The following TAB2 variants were observed in gnomAD, a reference collection of about 807,000 sequenced individuals.
TAB2 encodes the protein TGF-beta activated kinase 1 (MAP3K7) binding protein 2.
Under a neutral mutation model 65.0 loss-of-function variants are expected in TAB2, and 3 were observed. The ratio of observed to expected loss-of-function variants is 0.05; its 90% CI spans 0.02 to 0.12. The LOEUF (loss-of-function observed/expected upper bound fraction) is 0.12. Ranked by LOEUF, TAB2 falls within the 10% of genes least tolerant of loss-of-function variation. The probability of loss-of-function intolerance (pLI) is 1.00; values close to 1 mark genes in which losing one functional copy is unlikely to be tolerated. For synonymous variants in TAB2, 298 were observed against 285.1 expected (o/e 1.05, Z -0.46); for missense variants, 623 against 840.3 (o/e 0.74, Z 3.20).
chr6:149,324,726 T>C (rs1006731255), intron 1 of TAB2, among the ~76,000 whole-genome samples: 2 of 152,186 alleles, frequency 1.3e-5, no homozygotes, highest in African/African-American at 4.8e-5. Flanking sequence ...AAGCAACTTT[T>C]GTTTAGTCAG....
At chr6:149,288,178 G>A (rs1490258979) in intron 1 of TAB2, among the ~76,000 whole-genome samples, 4 of 152,068 alleles carry the variant, frequency 2.6e-5, no homozygotes, top group African/African-American at 4.8e-5. Flanking sequence ...TCCAGATGAC[G>A]AACCTGAGGT....
intron 1 of TAB2, among the ~76,000 whole-genome samples, chr6:149,230,395 G>T (rs1019827939): frequency 6.6e-6 from 1 of 152,162 alleles, no homozygotes; most frequent in African/African-American, 2.4e-5. Flanking sequence ...ACAAGTCTGA[G>T]AATCACAGCT....
intron 6 of TAB2, among the ~76,000 whole-genome samples, chr6:149,403,242 A>AT (rs1247090446): frequency 1.2e-4 from 6 of 50,690 alleles, no homozygotes; most frequent in Admixed American, 5.5e-4. Flanking sequence ...TCTAAAAAAA[A>AT]AAAAAATATA....
intron 1 of TAB2, among the ~76,000 whole-genome samples, chr6:149,229,339 C>T (rs1038518486): frequency 6.6e-6 from 1 of 151,950 alleles, no homozygotes; most frequent in Non-Finnish European, 1.5e-5. Context: ...CGTGCTTCTA[C>T]TAACAAAGAA....
In TAB2 at chr6:149,275,139, T is replaced by TTTA. The variant is rs1554255797; in HGVS notation, c.-121+56365_-121+56366insATT. 2.6e-5 allele frequency among the ~76,000 whole-genome samples: 3 copies of TTTA among 113,480 alleles called. 1 individual carries two copies. The highest frequency in any genetic ancestry group is 1.8e-5 in the Non-Finnish European group (1 of 57,110). 74.4% of individuals were successfully genotyped at this position (113,480 alleles called of 152,430 possible). On this transcript the variant is annotated intron_variant, in intron 1 of 1. Transcript: ENST00000606202. ...TCTCTTCTTCTGTTTTTTTTTTTTT[T>TTTA]TTTTGAGTTGGAGTCTTGCTCTATT...
rs59196897 is a variant in TAB2, at chr6:149,281,555, C to CAAAAAAAAAAAAAAAAAAA, written c.-121+62787_-121+62805dup. Reference sequence around the variant, plus strand: ...TGAACAACACAGCAAGATGCCATCTCAAAAAAAAAAAAAAAAAAAAAAAAA... The same window carrying CAAAAAAAAAAAAAAAAAAA: ...TGAACAACACAGCAAGATGCCATCTCAAAAAAAAAAAAAAAAAAAAAAAAAAAAAAAAAAAAAAAAAAAA... On this transcript the variant is annotated intron_variant, in intron 1 of 1. Coordinates refer to the TAB2 transcript ENST00000606202. Among the ~76,000 whole-genome samples the CAAAAAAAAAAAAAAAAAAA allele has an allele frequency of 2.4e-4, 17 of 70,338 alleles. 5 individuals carry two copies. The highest frequency in any genetic ancestry group is 7.6e-4 in the African/African-American group (15 of 19,642). 46.1% of individuals were successfully genotyped at this position (70,338 alleles called of 152,430 possible).
intron 1 of TAB2, among the ~76,000 whole-genome samples, chr6:149,225,795 A>T (rs1172612752): frequency 1.3e-5 from 2 of 152,140 alleles, no homozygotes. Context: ...TTTTGGTGTT[A>T]GGTACTCCCA....
At chr6:149,256,572 T>C (rs1778039663) in intron 1 of TAB2, among the ~76,000 whole-genome samples, 1 of 152,196 alleles carries the variant, frequency 6.6e-6, no homozygotes, top group Non-Finnish European at 1.5e-5. Flanking sequence ...GAATATATTA[T>C]TCATGCTGAT....
At chr6:149,242,361 T>C (rs898628061) in intron 1 of TAB2, among the ~76,000 whole-genome samples, 4 of 152,220 alleles carry the variant, frequency 2.6e-5, no homozygotes, top group Admixed American at 1.3e-4. Flanking sequence ...CTAGTGCCAA[T>C]AGAAAGTAAC....
At chr6:149,352,703 T>C (rs2114809671) in intron 1 of TAB2, among the ~76,000 whole-genome samples, 1 of 152,304 alleles carries the variant, frequency 6.6e-6, no homozygotes, top group Non-Finnish European at 1.5e-5. Context: ...TGGAGTAAAC[T>C]TTACTTGAAG....
chr6:149,410,087 G>C lies in TAB2; in HGVS notation c.*368G>C. On this transcript the variant is annotated 3_prime_UTR_variant, in exon 7 of 7. Transcript: ENST00000637181. ...GACAGGAGGAAGGAATAGAATGATAGCTTGTTTTATTTGTAAAGCTTTCAG... is the reference window on the plus strand; with the variant it reads ...GACAGGAGGAAGGAATAGAATGATACCTTGTTTTATTTGTAAAGCTTTCAG... 1 of 276,296 alleles carries C rather than the reference G, an allele frequency of 3.6e-6. No homozygotes were observed. The highest frequency in any genetic ancestry group is 2.2e-5 in the African/African-American group (1 of 45,258). 17.1% of individuals were successfully genotyped at this position (276,296 alleles called of 1,614,324 possible). A position where few individuals can be genotyped will look rare whatever the true frequency, so the allele number is the denominator to read the frequency against.
chr6:149,296,164 G>C (rs543902161), intron 1 of TAB2, among the ~76,000 whole-genome samples: 4 of 152,192 alleles, frequency 2.6e-5, no homozygotes, highest in Non-Finnish European at 1.5e-5. Context: ...CTCAAGAAAG[G>C]ATCTGTGCTT....
chr6:149,398,645 T>C (rs1782258567), intron 5 of TAB2, among the ~76,000 whole-genome samples: 1 of 152,194 alleles, frequency 6.6e-6, no homozygotes, highest in East Asian at 1.9e-4. Flanking sequence ...GGTGCTGTTC[T>C]AGAAACTACA....
rs1781552105 is a variant in TAB2, at chr6:149,379,872, G to A, written c.1603+354G>A. On this transcript the variant is annotated intron_variant, in intron 3 of 6. Coordinates refer to ENST00000637181, the MANE Select transcript of TAB2 (RefSeq NM_001292034.3). ...GTAAATAAAAATTCCTAGAAATAAC[G>A]TTTTAATAAGCAACTAGTTGACTCT... 1.3e-5 allele frequency: 6 copies of A among 451,760 alleles called. 1 individual carries two copies. The highest frequency in any genetic ancestry group is 7.9e-5 in the South Asian group (5 of 63,462). 28.0% of individuals were successfully genotyped at this position (451,760 alleles called of 1,614,324 possible). A position where few individuals can be genotyped will look rare whatever the true frequency, so the allele number is the denominator to read the frequency against.
At chr6:149,359,318 C>T (rs191579112) in intron 1 of TAB2, among the ~76,000 whole-genome samples, 3 of 152,310 alleles carry the variant, frequency 2.0e-5, no homozygotes, top group African/African-American at 7.2e-5. Flanking sequence ...TCACCAGCCT[C>T]AGACCAATTT....
intron 1 of TAB2, among the ~76,000 whole-genome samples, chr6:149,326,128 GTAT>G (rs1256922655): frequency 6.6e-6 from 1 of 152,026 alleles, no homozygotes; most frequent in African/African-American, 2.4e-5. Flanking sequence ...TAAACAAATT[GTAT>G]TATTATGTTA....
At chr6:149,239,316 C>T (rs1777554776) in intron 1 of TAB2, among the ~76,000 whole-genome samples, 1 of 152,192 alleles carries the variant, frequency 6.6e-6, no homozygotes, top group Admixed American at 6.5e-5. Context: ...ATGACCAGAG[C>T]TTACTGAGAT....
intron 3 of TAB2, among the ~76,000 whole-genome samples, chr6:149,392,348 G>A (rs2114928124): frequency 6.6e-6 from 1 of 152,186 alleles, no homozygotes; most frequent in Admixed American, 6.5e-5. Flanking sequence ...CACCATGTGG[G>A]CCAGGCTGGT....
chr6:149,380,614 G>T (rs1005545258), intron 3 of TAB2, among the ~76,000 whole-genome samples: 7 of 152,106 alleles, frequency 4.6e-5, no homozygotes, highest in Non-Finnish European at 2.9e-5. Context: ...GAAGGTGGAG[G>T]TTATTCATTT....
Sources: allele counts gnomAD v4.1 joint callset (sites outside exome capture counted in the v4.1 genomes callset), GRCh38; gene constraint gnomAD v4.1.1; transcripts MANE v1.5; gene names NCBI Gene and HGNC (gene_info 2026-07-23, HGNC 2026-07-21).